The following ZNF135 variants were observed in gnomAD, a reference collection of about 807,000 sequenced individuals.
ZNF135 encodes the protein zinc finger protein 135.
A neutral mutation model predicts 12.3 loss-of-function variants in ZNF135; 11 were observed. The ratio of observed to expected loss-of-function variants is 0.89; its 90% CI spans 0.56 to 1.48. ZNF135 has a LOEUF of 1.48. Ranked by LOEUF, ZNF135 falls within the 40% of genes most tolerant of loss-of-function variation. ZNF135 has a pLI of 0.00. For synonymous variants in ZNF135, 316 were observed against 312.0 expected, an observed-to-expected ratio of 1.01 and a Z score of -0.14; for missense variants, 722 against 815.7, an observed-to-expected ratio of 0.89 and a Z score of 1.40.
Position 58,063,919 on chromosome 19 carries a change from C to T in ZNF135, c.256+378C>T, listed in dbSNP as rs2074025313. ...AAGGAGGTGACATGTGACTTGAAGCCTGAGCCATGAGGCAGTCTGAGTGAA... is the reference window on the plus strand; with the variant it reads ...AAGGAGGTGACATGTGACTTGAAGCTTGAGCCATGAGGCAGTCTGAGTGAA... On this transcript the variant is annotated intron_variant, in intron 4 of 4. Transcript: ENST00000313434. This position sits in a 1 kb window ranked among gnomAD's most constrained non-coding sequence, Gnocchi z 4.4. 6.6e-6 allele frequency among the ~76,000 whole-genome samples: 1 copy of T among 152,158 alleles called. No homozygotes were observed. Among genetic ancestry groups the T allele is most frequent in the African/African-American group, 2.4e-5 (1 of 41,432 alleles).
rs137877157 is a variant in ZNF135 at position 58,067,025 on chromosome 19, A to G, written c.541A>G (p.Thr181Ala). 125 of 1,614,026 alleles carry G rather than the reference A, an allele frequency of 7.7e-5. No individual in the cohort carries two copies. The highest frequency in any genetic ancestry group is 9.1e-5 in the Non-Finnish European group (107 of 1,180,042). The change falls in exon 5 of 5, where the codon ACT (threonine) becomes GCT (alanine). Residue 181 changes from threonine (T) to alanine (A), a missense_variant. By Grantham distance (58) the Thr-to-Ala change is moderately conservative (BLOSUM62 0). Transcript: ENST00000313434. The stretch of plus-strand genomic sequence containing the variant: ...CCCTGATCTCCCACATCAACCAATG[A>G]CTCCTGAAAGACAAAGCCCCCACAC... ...LNPDLPHQPM[T>A]PERQSPHTWG...
intron 4 of ZNF135, 169 bp from the exon 5 acceptor site, chr19:58,066,572 C>T (rs2074069334): frequency 2.5e-6 from 2 of 803,284 alleles, no homozygotes; most frequent in Non-Finnish European, 3.8e-6. Flanking sequence ...TCTGTGTTTC[C>T]CTCTCTTCCT....
In ZNF135 at chr19:58,060,076, G is replaced by T. The variant is rs777093440; in HGVS notation, c.33+41G>T. 1 of 1,611,562 alleles carries T rather than the reference G, an allele frequency of 6.2e-7. No homozygotes were observed. The highest frequency in any genetic ancestry group is 1.1e-5 in the South Asian group (1 of 91,040). The stretch of plus-strand genomic sequence containing the variant: ...TCCTTGCGCGTGTCCTCCACCTCGT[G>T]CCCGGCCTCCTCGCGCGCGGCCTTC... On this transcript the variant is annotated intron_variant, in intron 2 of 4. Coordinates refer to ENST00000313434, the MANE Select transcript of ZNF135 (RefSeq NM_001289401.2). The surrounding 1 kb of genome is among the most constrained non-coding windows in gnomAD (Gnocchi z 4.9).
In ZNF135 at chr19:58,066,843, G is replaced by A. The variant is rs1347949139; in HGVS notation, c.359G>A (p.Gly120Asp). 6.2e-7 allele frequency: 1 copy of A among 1,614,224 alleles called. No homozygotes were observed. Among genetic ancestry groups the A allele is most frequent in the Non-Finnish European group, 8.5e-7 (1 of 1,180,034 alleles). Residue 120 changes from glycine to aspartate, a missense_variant, in exon 5 of 5, where the codon GGT (glycine) becomes GAT (aspartate). By Grantham distance (94) the Gly-to-Asp change is moderately conservative. Coordinates refer to ENST00000313434, the MANE Select transcript of ZNF135 (RefSeq NM_001289401.2). Reference sequence around the variant, plus strand: ...TTGGTAGAAAGATTCCTGTGGGATGGTCTGTGGTACTGCAGGGGTGAGGAC... The same window carrying A: ...TTGGTAGAAAGATTCCTGTGGGATGATCTGTGGTACTGCAGGGGTGAGGAC... Reference protein sequence around the residue: ...VILVERFLWDGLWYCRGEDTE... With the variant: ...VILVERFLWDDLWYCRGEDTE...
Position 58,067,852 on chromosome 19 carries a change from T to G in ZNF135, c.1368T>G (p.His456Gln). Residue 456 changes from histidine to glutamine, a missense_variant, in exon 5 of 5, where the codon CAT becomes CAG. By Grantham distance (24) the His-to-Gln change is conservative. Transcript: ENST00000313434. Reference protein sequence around the residue: ...TFSHSSSLSQHERTHTGEKPY... With the variant: ...TFSHSSSLSQQERTHTGEKPY... ...GCCACAGCTCCTCACTCAGCCAGCATGAGCGGACACACACAGGAGAGAAGC... is the reference window on the plus strand; with the variant it reads ...GCCACAGCTCCTCACTCAGCCAGCAGGAGCGGACACACACAGGAGAGAAGC... 6.3e-7 allele frequency: 1 copy of G among 1,595,786 alleles called. No individual in the cohort carries two copies. Among genetic ancestry groups the G allele is most frequent in the Middle Eastern group, 1.7e-4 (1 of 5,942 alleles).
Position 58,067,204 on chromosome 19 carries a change from AC to A in ZNF135, c.722del (p.Pro241LeufsTer8), listed in dbSNP as rs994323776. 3 of 1,613,896 alleles carry A rather than the reference AC, an allele frequency of 1.9e-6. No individual in the cohort carries two copies. The highest frequency in any genetic ancestry group is 2.5e-6 in the Non-Finnish European group (3 of 1,179,904). On this transcript the variant is annotated frameshift_variant, in exon 5 of 5. Coordinates refer to ENST00000313434, the MANE Select transcript of ZNF135 (RefSeq NM_001289401.2). LOFTEE classifies it low-confidence loss of function (END_TRUNC). Reference protein sequence around the residue: ...EHHRTHTGERPYECHECLKGF... With the variant: ...EHHRTHTGERXYECHECLKGF... Reference sequence around the variant, plus strand: ...ACCACCGGACGCACACAGGAGAGAGACCTTACGAATGTCACGAATGCTTAAA... The same window carrying A: ...ACCACCGGACGCACACAGGAGAGAGACTTACGAATGTCACGAATGCTTAAA...
intron 2 of ZNF135, among the ~76,000 whole-genome samples, chr19:58,061,086 C>T (rs1001710686): frequency 2.0e-5 from 3 of 151,984 alleles, no homozygotes; most frequent in Admixed American, 2.0e-4. Context: ...CAAGATCATG[C>T]CACTGCACTC....
Position 58,067,459 on chromosome 19 carries a change from C to G in ZNF135, c.975C>G (p.Pro325=). Residue 325 remains proline (P), a synonymous_variant, in exon 5 of 5, where the codon CCC becomes CCG. Coordinates refer to ENST00000313434, the MANE Select transcript of ZNF135 (RefSeq NM_001289401.2). The part of the protein sequence containing the change: ...QHERTHTGEK[P]YECSECGKAF... ...AGCGAACTCACACAGGCGAGAAGCC[C>G]TACGAGTGCAGTGAGTGTGGGAAAG... 6.2e-7 allele frequency: 1 copy of G among 1,614,164 alleles called. No homozygotes were observed. The highest frequency in any genetic ancestry group is 1.1e-5 in the South Asian group (1 of 91,082).
rs1175198951 is a variant in ZNF135, at chr19:58,063,992, C to T, written c.256+451C>T. Among the ~76,000 whole-genome samples the T allele has an allele frequency of 6.6e-6, 1 of 152,192 alleles. No individual in the cohort carries two copies. Among genetic ancestry groups the T allele is most frequent in the Non-Finnish European group, 1.5e-5 (1 of 68,016 alleles). On this transcript the variant is annotated intron_variant, in intron 4 of 4. Coordinates refer to ENST00000313434, the MANE Select transcript of ZNF135 (RefSeq NM_001289401.2). This position sits in a 1 kb window ranked among gnomAD's most constrained non-coding sequence, Gnocchi z 4.4. ...AACAGCAGGTGCAAAGGCCTGAAGT[C>T]ATGCATCAGTCAGCTTTTGTGTAGG...
chr19:58,060,629 C>T lies in ZNF135; in HGVS notation c.33+594C>T, dbSNP rs2073960871. 1.3e-5 allele frequency among the ~76,000 whole-genome samples: 2 copies of T among 152,166 alleles called. No homozygotes were observed. Among genetic ancestry groups the T allele is most frequent in the Admixed American group, 1.3e-4 (2 of 15,280 alleles). On this transcript the variant is annotated intron_variant, in intron 2 of 4. Transcript: ENST00000313434. This position sits in a 1 kb window ranked among gnomAD's most constrained non-coding sequence, Gnocchi z 4.9. ...TTTTTATGATGACATTAACCCCACC[C>T]ATAAGCCACCAGAAGAAACCAGCCT...
In ZNF135 at chr19:58,068,595, AC is replaced by A; in HGVS notation, c.*137del. ...TTTTCACACAGCACTCCCCTCAGAC[AC>A]CCTCAGAGAGTTCACACTGATGGGA... On this transcript the variant is annotated 3_prime_UTR_variant, in exon 5 of 5. Transcript: ENST00000313434. 1.0e-6 allele frequency: 1 copy of A among 977,272 alleles called. No individual in the cohort carries two copies. The allele number at this position is 977,272 out of a possible 1,614,324, so 60.5% of individuals were successfully genotyped here.
In ZNF135 at chr19:58,066,412, T is replaced by C. The variant is rs555920370; in HGVS notation, c.257-329T>C. Among the ~76,000 whole-genome samples, 10 of 145,486 alleles carry C rather than the reference T, an allele frequency of 6.9e-5. No homozygotes were observed. In the South Asian group the frequency reaches 2.0e-3, roughly 30 times the overall value. On this transcript the variant is annotated intron_variant, in intron 4 of 4. Transcript: ENST00000313434. ...CTCTGTGTGTCTGAGTGCTCTCTCC[T>C]GGGCATCCGCTCTGCATCCTCCTCT...
In ZNF135 at chr19:58,067,839, C is replaced by T. The variant is rs767883871; in HGVS notation, c.1355C>T (p.Ser452Leu). The T allele has an allele frequency of 6.2e-6, 10 of 1,613,252 alleles. No individual in the cohort carries two copies. Among genetic ancestry groups the T allele is most frequent in the African/African-American group, 1.3e-5 (1 of 74,622 alleles). Residue 452 changes from serine (S) to leucine (L), a missense_variant, in exon 5 of 5, where the codon TCA becomes TTA. Transcript: ENST00000313434. ...ECGKTFSHSS[S>L]LSQHERTHTG... ...GGGAAAACCTTCAGCCACAGCTCCT[C>T]ACTCAGCCAGCATGAGCGGACACAC...
At position 58,059,755 on chromosome 19, in the gene ZNF135, GC is replaced by G. The variant is rs2073935270; in HGVS notation, c.-34-212del. 3.3e-6 allele frequency: 2 copies of G among 609,690 alleles called. No homozygotes were observed. The highest frequency in any genetic ancestry group is 4.3e-5 in the South Asian group (2 of 46,858). The allele number at this position is 609,690 out of a possible 1,614,324, so 37.8% of individuals were successfully genotyped here. On this transcript the variant is annotated intron_variant, in intron 1 of 4. Transcript: ENST00000313434. The surrounding 1 kb of genome is among the most constrained non-coding windows in gnomAD (Gnocchi z 6.5). ...GCGCAGCAGATATGTGTCCGCACCC[GC>G]CAGGCCTTCAGCTTCCCTCAGACAG...
chr19:58,063,272 C>A lies in ZNF135; in HGVS notation c.161-174C>A, dbSNP rs75998614. On this transcript the variant is annotated intron_variant, in intron 3 of 4. Coordinates refer to ENST00000313434, the MANE Select transcript of ZNF135 (RefSeq NM_001289401.2). This position sits in a 1 kb window ranked among gnomAD's most constrained non-coding sequence, Gnocchi z 4.4. ...CCAGAACCAGTGGTAGGGTCAGGGACTGAGAGTAGGGGAATGAGTCCCTGA... is the reference window on the plus strand; with the variant it reads ...CCAGAACCAGTGGTAGGGTCAGGGAATGAGAGTAGGGGAATGAGTCCCTGA... Among the ~76,000 whole-genome samples, 2 of 33,298 alleles carry A rather than the reference C, an allele frequency of 6.0e-5. No homozygotes were observed. Among genetic ancestry groups the A allele is most frequent in the African/African-American group, 2.3e-4 (2 of 8,740 alleles). The allele number at this position is 33,298 out of a possible 152,430, so 21.8% of individuals were successfully genotyped here.
chr19:58,059,941 C>G lies in ZNF135; in HGVS notation c.-34-28C>G. On this transcript the variant is annotated intron_variant, in intron 1 of 4. Coordinates refer to ENST00000313434, the MANE Select transcript of ZNF135 (RefSeq NM_001289401.2). This position sits in a 1 kb window ranked among gnomAD's most constrained non-coding sequence, Gnocchi z 6.5. ...GACCTGAGCACCGCCTCTGCCTGCC[C>G]CAGCTGCTCACCTCCCCTTTCCCAC... 1 of 1,610,696 alleles carries G rather than the reference C, an allele frequency of 6.2e-7. No individual in the cohort carries two copies. The highest frequency in any genetic ancestry group is 1.7e-5 in the Admixed American group (1 of 59,936).
chr19:58,066,603 A>T, intron 4 of ZNF135, 138 bp from the exon 5 acceptor site: 1 of 1,217,400 alleles, frequency 8.2e-7, no homozygotes, highest in Non-Finnish European at 1.1e-6. Context: ...GCAAAACTAT[A>T]TTTTTAAATG....
In ZNF135 at chr19:58,066,870, C is replaced by CT; in HGVS notation, c.387dup (p.Glu130Ter). On this transcript the variant is annotated frameshift_variant, in exon 5 of 5. Transcript: ENST00000313434. LOFTEE classifies it low-confidence loss of function (END_TRUNC). ...CTGTGGTACTGCAGGGGTGAGGACA[C>CT]TGAGGGCCACTGGGAATGGAGTTGT... 6.2e-7 allele frequency: 1 copy of CT among 1,614,202 alleles called. No homozygotes were observed. Among genetic ancestry groups the CT allele is most frequent in the Non-Finnish European group, 8.5e-7 (1 of 1,180,042 alleles).
rs370584225 is a variant in ZNF135, at chr19:58,068,223, G to T, written c.1739G>T (p.Cys580Phe). 3.7e-6 allele frequency: 6 copies of T among 1,613,938 alleles called. No individual in the cohort carries two copies. The highest frequency in any genetic ancestry group is 5.1e-6 in the Non-Finnish European group (6 of 1,179,998). Residue 580 changes from cysteine (C) to phenylalanine (F), a missense_variant, in exon 5 of 5, where the codon TGC (cysteine) becomes TTC (phenylalanine). Coordinates refer to ENST00000313434, the MANE Select transcript of ZNF135 (RefSeq NM_001289401.2). Reference sequence around the variant, plus strand: ...CACACCAAGGAAAAGCCGTATGGGTGCAATGAGTGTGGGAAATCCTTCAGC... The same window carrying T: ...CACACCAAGGAAAAGCCGTATGGGTTCAATGAGTGTGGGAAATCCTTCAGC... ...RIHTKEKPYG[C>F]NECGKSFSHS...
Sources: gnomAD v4.1 joint callset for allele counts (sites outside exome capture counted in the v4.1 genomes callset) on GRCh38, gnomAD v4.1.1 for gene constraint, Gnocchi (gnomAD v3.1) non-coding constraint, MANE v1.5 for transcripts, NCBI Gene and HGNC (gene_info 2026-07-23, HGNC 2026-07-21) for gene names.